PCNT: variants seen among roughly 807,000 people sequenced by gnomAD.
PCNT encodes pericentrin.
A neutral mutation model predicts 380.4 loss-of-function variants in PCNT; 319 were observed. That is an observed-to-expected ratio of 0.84 (90% confidence interval 0.77 to 0.92). The LOEUF (loss-of-function observed/expected upper bound fraction) is 0.92. Among genes scored for constraint, PCNT ranks in the 40% least tolerant of loss-of-function variants. The pLI is 0.00. For missense variants in PCNT, 4,400 were observed against 4,255.3 expected, an observed-to-expected ratio of 1.03 and a Z score of -0.95; for synonymous variants, 1,845 against 1,735.2, an observed-to-expected ratio of 1.06 and a Z score of -1.57.
At chr21:46,398,606 G>T (rs549131131) in intron 24 of PCNT, among the ~76,000 whole-genome samples, 13 of 152,264 alleles carry the variant, frequency 8.5e-5, no homozygotes, top group Admixed American at 7.8e-4. Flanking sequence ...ACTGGGTCAC[G>T]GCCATGCCGC....
In PCNT at chr21:46,439,030, AT is replaced by A. The variant is rs1227143796; in HGVS notation, c.9273+702del. The stretch of plus-strand genomic sequence containing the variant: ...ATAGAGTTATCTTCCGGAATGTCTC[AT>A]TTTTTTTTCTTTTGTATTTAGGCTA... On this transcript the variant is annotated intron_variant, in intron 41 of 46. Transcript: ENST00000359568. Among the ~76,000 whole-genome samples the A allele has an allele frequency of 8.7e-5, 13 of 149,906 alleles. 1 individual carries two copies. Among genetic ancestry groups the A allele is most frequent in the African/African-American group, 2.0e-4 (8 of 40,890 alleles).
rs775012159 is a variant in PCNT at position 46,416,473 on chromosome 21, T to C, written c.6555T>C (p.Cys2185=). 6.2e-7 allele frequency: 1 copy of C among 1,614,146 alleles called. No homozygotes were observed. Among genetic ancestry groups the C allele is most frequent in the Non-Finnish European group, 8.5e-7 (1 of 1,180,026 alleles). The change falls in exon 30 of 47, where the codon TGT becomes TGC. Residue 2185 remains cysteine (C), a synonymous_variant. Coordinates refer to ENST00000359568, the MANE Select transcript of PCNT (RefSeq NM_006031.6). Reference sequence around the variant, plus strand: ...CTCCCATTCAAGAAAAATCAGAATGTCAGGACATGTCTCTTTCTTCACCGA... The same window carrying C: ...CTCCCATTCAAGAAAAATCAGAATGCCAGGACATGTCTCTTTCTTCACCGA... ...PDSPIQEKSE[C]QDMSLSSPTS... is the part of the protein sequence containing the mutation.
At chr21:46,423,179 GT>G (rs1308191379) in intron 32 of PCNT, among the ~76,000 whole-genome samples, 1 of 149,168 alleles carries the variant, frequency 6.7e-6, no homozygotes. Flanking sequence ...TTTTTAATCA[GT>G]TTTTTATATC....
chr21:46,437,207 A>G, intron 40 of PCNT, 126 bp downstream of exon 40: 1 of 688,598 alleles, frequency 1.5e-6, no homozygotes, highest in Non-Finnish European at 2.5e-6. Context: ...CTCTGAATTC[A>G]TGGTTGCTAT....
In PCNT at chr21:46,422,014, G is replaced by T; in HGVS notation, c.7069G>T (p.Gly2357Cys). ...FGARLSPGSG[G>C]PEAQTAGPVT... is the part of the protein sequence containing the mutation. ...AGCAAGACTGAGCCCGGGGTCAGGA[G>T]GCCCTGAGGCTCAAACTGCTGGTCC... Residue 2357 changes from glycine to cysteine, a missense_variant, in exon 32 of 47, where the codon GGC becomes TGC. Physicochemically the swap from Gly to Cys is radical, Grantham distance 159. Coordinates refer to ENST00000359568, the MANE Select transcript of PCNT (RefSeq NM_006031.6). 6.2e-7 allele frequency: 1 copy of T among 1,614,092 alleles called. No homozygotes were observed. Among genetic ancestry groups the T allele is most frequent in the Non-Finnish European group, 8.5e-7 (1 of 1,180,028 alleles).
At chr21:46,338,604 C>CTT (rs35172694) in intron 3 of PCNT, among the ~76,000 whole-genome samples, 3 of 115,876 alleles carry the variant, frequency 2.6e-5, no homozygotes, top group African/African-American at 6.4e-5. Context: ...ATGAATGTGT[C>CTT]TTTTTTTTTT....
intron 16 of PCNT, among the ~76,000 whole-genome samples, chr21:46,382,751 G>T: frequency 6.9e-6 from 1 of 144,042 alleles, no homozygotes; most frequent in African/African-American, 2.6e-5. Context: ...GCATTCAGTG[G>T]CGGAAGCGCA....
intron 15 of PCNT, among the ~76,000 whole-genome samples, chr21:46,375,192 G>A (rs897808764): frequency 3.3e-5 from 5 of 152,164 alleles, no homozygotes; most frequent in Non-Finnish European, 2.9e-5. Flanking sequence ...CTGGTAACAC[G>A]ACGCAGAGCT....
chr21:46,432,190 A>G lies in PCNT; in HGVS notation c.8726A>G (p.Lys2909Arg). The G allele has an allele frequency of 6.2e-7, 1 of 1,611,882 alleles. No individual in the cohort carries two copies. The highest frequency in any genetic ancestry group is 8.5e-7 in the Non-Finnish European group (1 of 1,179,528). ...QSPAAAEQWR[K>R]WQRDKEKLRE... ...CCAGCGGCTGCGGAGCAGTGGAGGA[A>G]GTGGCAGAGAGACAAGGAGAAGCTG... Residue 2909 changes from lysine to arginine, a missense_variant, in exon 38 of 47, where the codon AAG (lysine) becomes AGG (arginine). Transcript: ENST00000359568.
rs1356050692 is a variant in PCNT at position 46,345,995 on chromosome 21, G to A, written c.640-133G>A. The stretch of plus-strand genomic sequence containing the variant: ...GCATTTGGGTTGCTCCCACCTTCTG[G>A]CCGTTGCGAGTGGTGCTGCTGTGAA... On this transcript the variant is annotated intron_variant, in intron 3 of 46. Transcript: ENST00000359568. The A allele has an allele frequency of 1.2e-5, 10 of 825,288 alleles. No individual in the cohort carries two copies. In the East Asian group the frequency reaches 1.3e-4, roughly 11 times the overall value. The allele number at this position is 825,288 out of a possible 1,614,324, so 51.1% of individuals were successfully genotyped here. A position where few individuals can be genotyped will look rare whatever the true frequency, so the allele number is the denominator to read the frequency against.
Position 46,411,548 on chromosome 21 carries a change from G to C in PCNT, c.5475G>C (p.Gln1825His). 3.7e-6 allele frequency: 6 copies of C among 1,611,802 alleles called. No homozygotes were observed. The highest frequency in any genetic ancestry group is 5.1e-6 in the Non-Finnish European group (6 of 1,179,228). ...TGGAGGCCCTGCAGCAGCGCCTCCAGGGCGCAGAGGAGGCTGCGGAGCTAC... is the reference window on the plus strand; with the variant it reads ...TGGAGGCCCTGCAGCAGCGCCTCCACGGCGCAGAGGAGGCTGCGGAGCTAC... ...QALEALQQRL[Q>H]GAEEAAELQL... is the part of the protein sequence containing the mutation. The change falls in exon 28 of 47, where the codon CAG (glutamine) becomes CAC (histidine). Residue 1825 changes from glutamine (Q) to histidine (H), a missense_variant. Gln to His is a conservative substitution (Grantham distance 24). Transcript: ENST00000359568.
chr21:46,329,531 C>T (rs368980760), intron 2 of PCNT, among the ~76,000 whole-genome samples: 8 of 152,118 alleles, frequency 5.3e-5, no homozygotes, highest in Non-Finnish European at 8.8e-5. Flanking sequence ...TTTTGGACAT[C>T]TTAAAGCAAT....
At chr21:46,443,992 C>T (rs1192718282) in intron 45 of PCNT, 44 bp downstream of exon 45, 1 of 1,596,492 alleles carries the variant, frequency 6.3e-7, no homozygotes, top group African/African-American at 1.3e-5. Flanking sequence ...CAGGGCTCTC[C>T]CTCCAGCCTA....
In PCNT at chr21:46,383,974, G is replaced by A. The variant is rs1262164301; in HGVS notation, c.3313-1858G>A. On this transcript the variant is annotated intron_variant, in intron 16 of 46. Coordinates refer to ENST00000359568, the MANE Select transcript of PCNT (RefSeq NM_006031.6). Reference sequence around the variant, plus strand: ...GTGTTGTATATTCAGTGGCGGAAGCGCATTCACCATGTTGTATATTCAGTG... The same window carrying A: ...GTGTTGTATATTCAGTGGCGGAAGCACATTCACCATGTTGTATATTCAGTG... Among the ~76,000 whole-genome samples, 75 of 143,192 alleles carry A rather than the reference G, an allele frequency of 5.2e-4. 1 individual carries two copies. Among genetic ancestry groups the A allele is most frequent in the African/African-American group, 1.5e-3 (57 of 38,714 alleles). The allele number at this position is 143,192 out of a possible 152,430, so 93.9% of individuals were successfully genotyped here.
intron 3 of PCNT, among the ~76,000 whole-genome samples, chr21:46,344,426 C>T (rs2084001557): frequency 6.6e-6 from 1 of 152,234 alleles, no homozygotes; most frequent in Non-Finnish European, 1.5e-5. Flanking sequence ...GCCGCCCACC[C>T]TGGGGACGAG....
rs1044689927 is a variant in PCNT at position 46,366,750 on chromosome 21, G to A, written c.2776G>A (p.Ala926Thr). Residue 926 changes from alanine (A) to threonine (T), a missense_variant, in exon 15 of 47, where the codon GCG becomes ACG. Coordinates refer to ENST00000359568, the MANE Select transcript of PCNT (RefSeq NM_006031.6). ...TAELEARHQA[A>T]LGELTASLES... ...GGAGCTCGAGGCCAGACACCAGGCC[G>A]CGTTGGGCGAGCTGACAGCCTCCTT... The A allele has an allele frequency of 9.9e-6, 16 of 1,613,436 alleles. No individual in the cohort carries two copies. The highest frequency in any genetic ancestry group is 2.2e-5 in the East Asian group (1 of 44,884).
At chr21:46,369,072 T>C (rs979674254) in intron 15 of PCNT, among the ~76,000 whole-genome samples, 8 of 152,174 alleles carry the variant, frequency 5.3e-5, no homozygotes, top group Non-Finnish European at 7.3e-5. Flanking sequence ...GCTGTCTGTT[T>C]TGTGTGGTCT....
chr21:46,420,117 G>C (rs2087189530), intron 31 of PCNT, among the ~76,000 whole-genome samples: 2 of 152,170 alleles, frequency 1.3e-5, no homozygotes, highest in Non-Finnish European at 2.9e-5. Context: ...GGCCTGCGCG[G>C]TCAGGGTGTC....
chr21:46,356,127 G>T (rs960275355), intron 12 of PCNT, among the ~76,000 whole-genome samples: 1 of 152,232 alleles, frequency 6.6e-6, no homozygotes, highest in East Asian at 1.9e-4. Flanking sequence ...CGGTCCCATG[G>T]CGCCGGACAG....
Sources: allele counts gnomAD v4.1 joint callset (sites outside exome capture counted in the v4.1 genomes callset), GRCh38; gene constraint gnomAD v4.1.1; transcripts MANE v1.5; gene names NCBI Gene and HGNC (gene_info 2026-07-23, HGNC 2026-07-21).